Variants in DNER observed in about 807,000 individuals in gnomAD.
DNER encodes delta/notch like EGF repeat containing, also known as delta and Notch-like epidermal growth factor-related receptor.
DNER carries 33 observed loss-of-function variants against 78.2 expected under a neutral mutation model. That is an observed-to-expected ratio of 0.42 (90% CI 0.32 to 0.56). The LOEUF (loss-of-function observed/expected upper bound fraction) is 0.56. Among genes scored for constraint, DNER ranks in the 20% least tolerant of loss-of-function variants. The pLI is 0.11. For missense variants in DNER, 918 were observed against 975.3 expected, an observed-to-expected ratio of 0.94 and a Z score of 0.78; for synonymous variants, 417 against 384.8, an observed-to-expected ratio of 1.08 and a Z score of -0.98.
chr2:229,445,803 C>T (rs1694330291), intron 8 of DNER, among the ~76,000 whole-genome samples: 2 of 152,166 alleles, frequency 1.3e-5, no homozygotes, highest in Admixed American at 1.3e-4. Context: ...TCCTGTTTCT[C>T]CGGAGAATCC....
chr2:229,602,614 C>T (rs1697852225), intron 1 of DNER, among the ~76,000 whole-genome samples: 2 of 152,114 alleles, frequency 1.3e-5, no homozygotes, highest in Non-Finnish European at 2.9e-5. Context: ...TTGCTGCATG[C>T]AAGATCAAAA....
chr2:229,682,877 TGA>T (rs1227948972), intron 1 of DNER, among the ~76,000 whole-genome samples: 1 of 151,766 alleles, frequency 6.6e-6, no homozygotes, highest in African/African-American at 2.4e-5. Context: ...GATAAAGGAA[TGA>T]GAGAGTGACA....
chr2:229,425,850 T>C (rs990633595), intron 8 of DNER, among the ~76,000 whole-genome samples: 4 of 152,212 alleles, frequency 2.6e-5, no homozygotes, highest in East Asian at 3.9e-4. Context: ...TCGAAGACCA[T>C]GGTGCTGTGA....
intron 7 of DNER, among the ~76,000 whole-genome samples, chr2:229,468,649 T>C (rs1394519627): frequency 6.6e-6 from 1 of 152,184 alleles, no homozygotes; most frequent in East Asian, 1.9e-4. Flanking sequence ...TCAGAGATAC[T>C]GAATTGAGTA....
At chr2:229,409,295 G>T (rs1693455841) in intron 9 of DNER, among the ~76,000 whole-genome samples, 1 of 152,164 alleles carries the variant, frequency 6.6e-6, no homozygotes, top group South Asian at 2.1e-4. Flanking sequence ...GCTGATCAAT[G>T]GGAGCCAAGT....
intron 1 of DNER, among the ~76,000 whole-genome samples, chr2:229,596,138 GTGCCCAGCACA>G (rs1697710447): frequency 6.6e-6 from 1 of 152,156 alleles, no homozygotes. Context: ...CCCTAGAACA[GTGCCCAGCACA>G]TGGGAGCTGC....
intron 6 of DNER, among the ~76,000 whole-genome samples, chr2:229,477,810 T>G (rs1268831813): frequency 1.3e-5 from 2 of 152,214 alleles, no homozygotes; most frequent in Non-Finnish European, 2.9e-5. Flanking sequence ...CTAAGCACAT[T>G]AATATATTTT....
chr2:229,383,369 A>G (rs1336148542), intron 11 of DNER, among the ~76,000 whole-genome samples: 2 of 152,236 alleles, frequency 1.3e-5, no homozygotes, highest in African/African-American at 4.8e-5. Flanking sequence ...GGGCAAAATA[A>G]CCAGCTAGCA....
chr2:229,711,503 C>G (rs1373455702), intron 1 of DNER, among the ~76,000 whole-genome samples: 1 of 152,188 alleles, frequency 6.6e-6, no homozygotes, highest in Non-Finnish European at 1.5e-5. Context: ...CTTACGCAAA[C>G]TCAATCAGCC....
At chr2:229,513,115 G>A (rs184902888) in intron 5 of DNER, among the ~76,000 whole-genome samples, 179 bp from the exon 6 acceptor site, 7 of 152,284 alleles carry the variant, frequency 4.6e-5, no homozygotes, top group African/African-American at 1.7e-4. Flanking sequence ...TTTCTTTACA[G>A]TCTAATCTCA....
chr2:229,701,193 G>C (rs1699741343), intron 1 of DNER, among the ~76,000 whole-genome samples: 1 of 152,204 alleles, frequency 6.6e-6, no homozygotes, highest in African/African-American at 2.4e-5. Context: ...TTAGCAGTTG[G>C]ATGGCTACCC....
intron 1 of DNER, among the ~76,000 whole-genome samples, chr2:229,669,404 A>C (rs967832251): frequency 3.3e-5 from 5 of 151,486 alleles, no homozygotes; most frequent in African/African-American, 7.3e-5. Context: ...ATGTCTATGT[A>C]TATATAAAAT....
intron 9 of DNER, among the ~76,000 whole-genome samples, chr2:229,409,076 C>G (rs1477713822): frequency 6.6e-6 from 1 of 152,164 alleles, no homozygotes; most frequent in Non-Finnish European, 1.5e-5. Flanking sequence ...CATAAAAGAT[C>G]AAAATAATGT....
At chr2:229,599,554 T>C (rs1324586419) in intron 1 of DNER, among the ~76,000 whole-genome samples, 1 of 151,982 alleles carries the variant, frequency 6.6e-6, no homozygotes, top group African/African-American at 2.4e-5. Context: ...ACCAAAAACA[T>C]TGCTAACATC....
chr2:229,596,954 C>A (rs904779680), intron 1 of DNER, among the ~76,000 whole-genome samples: 1 of 151,926 alleles, frequency 6.6e-6, no homozygotes, highest in Non-Finnish European at 1.5e-5. Context: ...CATGCACATG[C>A]ACGCATATAC....
intron 6 of DNER, among the ~76,000 whole-genome samples, chr2:229,505,867 G>C (rs1695732422): frequency 6.6e-6 from 1 of 152,148 alleles, no homozygotes; most frequent in Non-Finnish European, 1.5e-5. Context: ...ATGAAAATGG[G>C]AGCTTTCAAT....
rs556483391 is a variant in DNER at position 229,393,314 on chromosome 2, A to G, written c.1724-4918T>C. Among the ~76,000 whole-genome samples, 124 of 151,970 alleles carry G rather than the reference A, an allele frequency of 8.2e-4. 2 individuals carry two copies. In the South Asian group the frequency reaches 0.011, roughly 13 times the overall value. On this transcript the variant is annotated intron_variant, in intron 10 of 12. Transcript: ENST00000341772. ...GTGATGGCACATGCCTATAATCCCA[A>G]CTACTCAGGAGGCTGAGGCAAGAGA...
intron 4 of DNER, among the ~76,000 whole-genome samples, chr2:229,561,552 C>G (rs1285271622): frequency 6.6e-6 from 1 of 151,188 alleles, no homozygotes; most frequent in South Asian, 2.1e-4. Flanking sequence ...AAAGAGTGAA[C>G]AAAAAAAAAT....
chr2:229,603,721 G>A (rs1180882468), intron 1 of DNER, among the ~76,000 whole-genome samples: 1 of 151,776 alleles, frequency 6.6e-6, no homozygotes, highest in South Asian at 2.1e-4. Flanking sequence ...ATAATACATT[G>A]AGCTGTACAT....
Sources: allele counts gnomAD v4.1 joint callset (sites outside exome capture counted in the v4.1 genomes callset), GRCh38; gene constraint gnomAD v4.1.1; transcripts MANE v1.5; gene names NCBI Gene and HGNC (gene_info 2026-07-23, HGNC 2026-07-21).